The following GABRB3 variants were observed in gnomAD, a reference collection of about 807,000 sequenced individuals.
GABRB3 encodes the protein gamma-aminobutyric acid type A receptor subunit beta3.
Under a neutral mutation model 52.1 loss-of-function variants are expected in GABRB3, and 14 were observed. The observed-to-expected ratio is 0.27, with a 90% CI of 0.18 to 0.42. The LOEUF (loss-of-function observed/expected upper bound fraction) is 0.42, where lower values mean the gene tolerates loss of function less well. Ranked by LOEUF, GABRB3 falls within the 10% of genes least tolerant of loss-of-function variation. The pLI is 1.00. For missense variants in GABRB3, 307 were observed against 609.1 expected, an observed-to-expected ratio of 0.50 and a Z score of 5.22; for synonymous variants, 260 against 232.3, an observed-to-expected ratio of 1.12 and a Z score of -1.08.
intron 3 of GABRB3, among the ~76,000 whole-genome samples, chr15:26,747,465 T>C (rs1187691345): frequency 1.3e-5 from 2 of 152,222 alleles, no homozygotes; most frequent in African/African-American, 2.4e-5. Flanking sequence ...CCTAAGTACT[T>C]CATTTTCTTA....
At chr15:26,577,678 T>C (rs1027014331) in intron 6 of GABRB3, among the ~76,000 whole-genome samples, 4 of 152,184 alleles carry the variant, frequency 2.6e-5, no homozygotes, top group East Asian at 1.9e-4. Flanking sequence ...TAACGACCTG[T>C]AGGTCAATGG....
intron 3 of GABRB3, among the ~76,000 whole-genome samples, chr15:26,717,223 C>A (rs1332707621): frequency 6.6e-6 from 1 of 150,642 alleles, no homozygotes; most frequent in East Asian, 2.0e-4. Flanking sequence ...CACTCAATGA[C>A]AACCTAGCTC....
At position 26,621,837 on chromosome 15, in the gene GABRB3, C is replaced by A. The variant is rs1293240718; in HGVS notation, c.241-303G>T. ...AGCATAGAAATAAACGGGAAAAAGT[C>A]ATCGTAAAATCAGGTTGCTGGCGGG... On this transcript the variant is annotated intron_variant, in intron 3 of 8. Transcript: ENST00000311550. The surrounding 1 kb of genome is among the most constrained non-coding windows in gnomAD (Gnocchi z 4.1). 1.3e-5 allele frequency among the ~76,000 whole-genome samples: 2 copies of A among 152,148 alleles called. No homozygotes were observed. Among genetic ancestry groups the A allele is most frequent in the African/African-American group, 4.8e-5 (2 of 41,430 alleles).
At chr15:26,580,037 G>A (rs1157300467) in intron 6 of GABRB3, among the ~76,000 whole-genome samples, 3 of 152,194 alleles carry the variant, frequency 2.0e-5, no homozygotes, top group Non-Finnish European at 4.4e-5. Flanking sequence ...CCCAAAGATG[G>A]GAGATTCTTA....
chr15:26,709,406 G>GCCATGATT (rs1384980523), intron 3 of GABRB3, among the ~76,000 whole-genome samples: 9 of 151,828 alleles, frequency 5.9e-5, no homozygotes, highest in African/African-American at 2.2e-4. Flanking sequence ...TTCTACTTCT[G>GCCATGATT]CCATGATTGG....
At chr15:26,681,224 A>C (rs1285496756) in intron 3 of GABRB3, among the ~76,000 whole-genome samples, 1 of 152,228 alleles carries the variant, frequency 6.6e-6, no homozygotes, top group Non-Finnish European at 1.5e-5. Flanking sequence ...TTCAGAACTT[A>C]GACTCAAAAT....
chr15:26,610,886 G>C (rs1276700985), intron 4 of GABRB3, among the ~76,000 whole-genome samples: 1 of 152,160 alleles, frequency 6.6e-6, no homozygotes, highest in African/African-American at 2.4e-5. Flanking sequence ...ATTTGTCTCT[G>C]CTAGATATTT....
chr15:26,738,400 C>G (rs1890120835), intron 3 of GABRB3, among the ~76,000 whole-genome samples: 1 of 152,132 alleles, frequency 6.6e-6, no homozygotes, highest in African/African-American at 2.4e-5. Context: ...GGCTTACTGA[C>G]AAAAAGGACG....
Position 26,666,852 on chromosome 15 carries a change from C to T in GABRB3, c.241-45318G>A, listed in dbSNP as rs146162549. On this transcript the variant is annotated intron_variant, in intron 3 of 8. Coordinates refer to ENST00000311550, the MANE Select transcript of GABRB3 (RefSeq NM_000814.6). ...AAGAAACATGAAGCCAGTCGCTTCA[C>T]GGCCCAGGAAGCGTTGAGCAAGAAG... Among the ~76,000 whole-genome samples the T allele has an allele frequency of 1.7e-3, 254 of 152,288 alleles. 6 individuals carry two copies. The East Asian group carries it at 0.047, about 28-fold the overall frequency.
intron 4 of GABRB3, among the ~76,000 whole-genome samples, chr15:26,608,644 A>G (rs1306620121): frequency 2.0e-5 from 3 of 152,150 alleles, no homozygotes; most frequent in Non-Finnish European, 1.5e-5. Context: ...GAAGGAACCT[A>G]AAGAGACATT....
chr15:26,739,849 A>G (rs1357625445), intron 3 of GABRB3, among the ~76,000 whole-genome samples: 1 of 152,182 alleles, frequency 6.6e-6, no homozygotes, highest in African/African-American at 2.4e-5. Flanking sequence ...AAGAATTTAT[A>G]AAACAGAAAA....
chr15:26,573,674 A>G (rs60989642), intron 6 of GABRB3, among the ~76,000 whole-genome samples: 1 of 151,924 alleles, frequency 6.6e-6, no homozygotes, highest in Non-Finnish European at 1.5e-5. Context: ...GTTATGCTCC[A>G]AAGTGTACCG....
intron 6 of GABRB3, among the ~76,000 whole-genome samples, chr15:26,577,138 G>A (rs920475726): frequency 2.0e-5 from 3 of 152,156 alleles, no homozygotes; most frequent in African/African-American, 7.2e-5. Flanking sequence ...ATGGGGCAGA[G>A]GCAGCCCTTA....
intron 3 of GABRB3, among the ~76,000 whole-genome samples, chr15:26,730,768 GT>G (rs1889890171): frequency 6.6e-6 from 1 of 152,164 alleles, no homozygotes; most frequent in African/African-American, 2.4e-5. Flanking sequence ...TCCTCCATCT[GT>G]TTTTTGCTGG....
At chr15:26,615,838 G>A (rs1892233342) in intron 4 of GABRB3, 1 of 1,218,882 alleles carries the variant, frequency 8.2e-7, no homozygotes, top group South Asian at 1.4e-5. Context: ...AGGGGTGAGA[G>A]AAATTCAGTC....
intron 3 of GABRB3, among the ~76,000 whole-genome samples, chr15:26,630,677 C>A (rs949708087): frequency 6.6e-6 from 1 of 152,114 alleles, no homozygotes; most frequent in African/African-American, 2.4e-5. Flanking sequence ...ATTAAAAAGC[C>A]ATTTATTCAT....
intron 3 of GABRB3, among the ~76,000 whole-genome samples, chr15:26,756,738 T>G (rs1400703922): frequency 1.3e-5 from 2 of 152,118 alleles, no homozygotes; most frequent in Non-Finnish European, 2.9e-5. Flanking sequence ...AGATCATGTA[T>G]AGAGTTCACA....
chr15:26,639,517 AACACT>A (rs777961127), intron 3 of GABRB3, among the ~76,000 whole-genome samples: 76 of 152,294 alleles, frequency 5.0e-4, no homozygotes, highest in African/African-American at 1.8e-3. Context: ...GATATATGCA[AACACT>A]ACATCATTTT....
chr15:26,608,903 TTAAAA>T (rs2140514047), intron 4 of GABRB3, among the ~76,000 whole-genome samples: 1 of 152,088 alleles, frequency 6.6e-6, no homozygotes, highest in Admixed American at 6.6e-5. Context: ...CTCAAAAAAC[TTAAAA>T]TAGAATTACC....
Sources: allele counts gnomAD v4.1 joint callset (sites outside exome capture counted in the v4.1 genomes callset), GRCh38; gene constraint gnomAD v4.1.1; non-coding constraint Gnocchi (gnomAD v3.1); transcripts MANE v1.5; gene names NCBI Gene and HGNC (gene_info 2026-07-23, HGNC 2026-07-21).